PLCE1: variants seen among roughly 807,000 people sequenced by gnomAD.
PLCE1 encodes the protein phospholipase C epsilon 1, also known as 1-phosphatidylinositol 4,5-bisphosphate phosphodiesterase epsilon-1.
In PLCE1, 119 loss-of-function variants were observed where a neutral mutation model predicts 242.8. The observed-to-expected ratio is 0.49, with a 90% confidence interval of 0.42 to 0.57. The LOEUF is 0.57. Among genes scored for constraint, PLCE1 ranks in the 20% least tolerant of loss-of-function variants. PLCE1 has a pLI of 0.00. For synonymous variants in PLCE1, 945 were observed against 1,017.4 expected (o/e 0.93, Z 1.35); for missense variants, 2,441 against 2,788.8 (o/e 0.88, Z 2.81).
Position 94,031,185 on chromosome 10 carries a change from A to C in PLCE1, c.139A>C (p.Ser47Arg), listed in dbSNP as rs752895021. The change falls in exon 2 of 33, where the codon AGT becomes CGT. Residue 47 changes from serine (S) to arginine (R), a missense_variant. Coordinates refer to ENST00000371380, the MANE Select transcript of PLCE1 (RefSeq NM_016341.4). The stretch of plus-strand genomic sequence containing the variant: ...TTCAAAAGCACATACTGTCAGACGA[A>C]GTGGGGAGACTTCTCATACCATCTC... ...NISKAHTVRRSGETSHTISQL... is the reference protein window; with the variant it reads ...NISKAHTVRRRGETSHTISQL... 2.7e-5 allele frequency: 44 copies of C among 1,613,754 alleles called. No homozygotes were observed. In the African/African-American group the frequency reaches 5.1e-4, roughly 19 times the overall value.
At chr10:94,025,859 A>G (rs908318870) in intron 1 of PLCE1, among the ~76,000 whole-genome samples, 1 of 152,180 alleles carries the variant, frequency 6.6e-6, no homozygotes, top group African/African-American at 2.4e-5. Flanking sequence ...TCATTAATTC[A>G]TTATTTATCT....
chr10:94,163,225 C>T (rs2047677008), intron 3 of PLCE1, among the ~76,000 whole-genome samples: 1 of 152,172 alleles, frequency 6.6e-6, no homozygotes, highest in African/African-American at 2.4e-5. Context: ...AACCTTCTGT[C>T]TCATCGATCT....
At position 94,227,159 on chromosome 10, in the gene PLCE1, GAACCACCAC is replaced by G; in HGVS notation, c.1810-146_1810-138del. On this transcript the variant is annotated intron_variant, in intron 4 of 32. Transcript: ENST00000371380. ...CCCAAAGTGCTGGGATTACAGGCGT[GAACCACCAC>G]GCCCAGCCAGGACCTACAGGTCTTT... The G allele has an allele frequency of 3.5e-5, 26 of 734,548 alleles. 1 individual carries two copies. The South Asian group carries it at 4.0e-4, about 11-fold the overall frequency. 45.5% of individuals were successfully genotyped at this position (734,548 alleles called of 1,614,324 possible).
At chr10:94,215,074 C>T (rs2136993783) in intron 4 of PLCE1, among the ~76,000 whole-genome samples, 2 of 152,288 alleles carry the variant, frequency 1.3e-5, no homozygotes, top group East Asian at 3.9e-4. Flanking sequence ...ATGGACCAAA[C>T]TGCCCATAGG....
chr10:94,215,831 G>A (rs903878942), intron 4 of PLCE1, among the ~76,000 whole-genome samples: 3 of 152,154 alleles, frequency 2.0e-5, no homozygotes, highest in Non-Finnish European at 4.4e-5. Flanking sequence ...GCTGTTGTGA[G>A]AGAATCAGCT....
At chr10:94,140,829 G>A (rs1325069071) in intron 3 of PLCE1, among the ~76,000 whole-genome samples, 1 of 152,172 alleles carries the variant, frequency 6.6e-6, no homozygotes, top group Admixed American at 6.5e-5. Context: ...TGACTTGTTA[G>A]TATTGTGACC....
In PLCE1 at chr10:94,324,945, G is replaced by T; in HGVS notation, c.6774G>T (p.Lys2258Asn). 1 of 1,614,166 alleles carries T rather than the reference G, an allele frequency of 6.2e-7. No homozygotes were observed. Among genetic ancestry groups the T allele is most frequent in the South Asian group, 1.1e-5 (1 of 91,084 alleles). Reference sequence around the variant, plus strand: ...TTTCTTTCGCAAGTGAACTCAAGAAGCTCACCAAGTCAACTAAACAGCCCC... The same window carrying T: ...TTTCTTTCGCAAGTGAACTCAAGAATCTCACCAAGTCAACTAAACAGCCCC... ...KGISFASELK[K>N]LTKSTKQPRG... The change falls in exon 32 of 33, where the codon AAG (lysine) becomes AAT (asparagine). Residue 2258 changes from lysine (K) to asparagine (N), a missense_variant. Transcript: ENST00000371380.
intron 1 of PLCE1, among the ~76,000 whole-genome samples, chr10:94,004,672 C>T (rs1212531521): frequency 2.0e-5 from 3 of 152,092 alleles, no homozygotes; most frequent in Non-Finnish European, 2.9e-5. Context: ...TTTTTGCCCA[C>T]AATTTTGGAC....
At position 94,194,454 on chromosome 10, in the gene PLCE1, C is replaced by T. The variant is rs546330255; in HGVS notation, c.1809+22958C>T. On this transcript the variant is annotated intron_variant, in intron 4 of 32. Transcript: ENST00000371380. ...CTGCAATGTAGCTGTCCTGTTTTCT[C>T]CCCATTAATCACTTCATGCCCCTTT... 7.2e-5 allele frequency among the ~76,000 whole-genome samples: 11 copies of T among 152,286 alleles called. No homozygotes were observed. In the South Asian group the frequency reaches 2.3e-3, roughly 32 times the overall value.
intron 1 of PLCE1, among the ~76,000 whole-genome samples, chr10:94,018,406 C>G (rs1447738221): frequency 6.6e-6 from 1 of 152,188 alleles, no homozygotes; most frequent in Non-Finnish European, 1.5e-5. Context: ...TCTGCCCTTG[C>G]TAAACAGAAG....
chr10:94,117,629 A>C (rs2046174194), intron 2 of PLCE1, among the ~76,000 whole-genome samples: 1 of 152,226 alleles, frequency 6.6e-6, no homozygotes, highest in South Asian at 2.1e-4. Context: ...TCACTAGATC[A>C]TGGTGGGTAT....
At chr10:94,122,392 G>C (rs1487174065) in intron 2 of PLCE1, among the ~76,000 whole-genome samples, 1 of 152,080 alleles carries the variant, frequency 6.6e-6, no homozygotes, top group Non-Finnish European at 1.5e-5. Context: ...AGGCTCCCTT[G>C]GCAGCCAGGT....
rs371524257 is a variant in PLCE1, at chr10:94,283,837, C to T, written c.4843C>T (p.Leu1615Phe). Residue 1615 changes from leucine (L) to phenylalanine (F), a missense_variant, in exon 21 of 33, where the codon CTT (leucine) becomes TTT (phenylalanine). Transcript: ENST00000371380. ...RPENKSCNDK[L>F]QFEYNEEIPK... The stretch of plus-strand genomic sequence containing the variant: ...TGAAAATAAATCATGTAATGACAAG[C>T]TTCAGTTTGAATATAATGAAGAAAT... The T allele has an allele frequency of 6.2e-7, 1 of 1,612,274 alleles. No individual in the cohort carries two copies. Among genetic ancestry groups the T allele is most frequent in the Non-Finnish European group, 8.5e-7 (1 of 1,178,660 alleles).
intron 3 of PLCE1, among the ~76,000 whole-genome samples, chr10:94,164,315 A>G (rs887050696): frequency 6.6e-6 from 1 of 152,032 alleles, no homozygotes; most frequent in East Asian, 1.9e-4. Flanking sequence ...TGGTCTTTTC[A>G]CATAGTCCCA....
chr10:94,286,614 C>T (rs1294306874), intron 22 of PLCE1, among the ~76,000 whole-genome samples: 1 of 151,976 alleles, frequency 6.6e-6, no homozygotes, highest in African/African-American at 2.4e-5. Flanking sequence ...TAAGTTTTCT[C>T]CTATAAGCTG....
chr10:94,271,560 C>T (rs1267420588), intron 18 of PLCE1, among the ~76,000 whole-genome samples: 1 of 151,932 alleles, frequency 6.6e-6, no homozygotes, highest in East Asian at 1.9e-4. Flanking sequence ...ATGATCCACC[C>T]ACCTCAGCCT....
intron 27 of PLCE1, among the ~76,000 whole-genome samples, chr10:94,311,664 G>A (rs945588466): frequency 6.6e-6 from 1 of 152,014 alleles, no homozygotes; most frequent in African/African-American, 2.4e-5. Flanking sequence ...TTATTGCCTT[G>A]GCCCTGGTTC....
rs1175295307 is a variant in PLCE1, at chr10:94,031,119, G to A, written c.73G>A (p.Ala25Thr). The change falls in exon 2 of 33, where the codon GCT (alanine) becomes ACT (threonine). Residue 25 changes from alanine to threonine, a missense_variant. Physicochemically the swap from Ala to Thr is moderately conservative, Grantham distance 58. Around this residue, in one of 5 missense-constraint regions of PLCE1, gnomAD observed 393 missense variants for 378.5 expected, o/e 1.04. Coordinates refer to ENST00000371380, the MANE Select transcript of PLCE1 (RefSeq NM_016341.4). ...GAGAAAAGTGGTTTCTGCCCAGTCGGCTGCAGATGAAAGTAGTGAAAAGGT... is the reference window on the plus strand; with the variant it reads ...GAGAAAAGTGGTTTCTGCCCAGTCGACTGCAGATGAAAGTAGTGAAAAGGT... ...TQRKVVSAQS[A>T]ADESSEKVSD... is the part of the protein sequence containing the mutation. The A allele has an allele frequency of 6.2e-6, 10 of 1,613,700 alleles. No individual in the cohort carries two copies. Among genetic ancestry groups the A allele is most frequent in the Middle Eastern group, 3.3e-4 (2 of 6,058 alleles).
Position 94,265,923 on chromosome 10 carries a change from C to A in PLCE1, c.4246C>A (p.Leu1416Ile). 6.2e-7 allele frequency: 1 copy of A among 1,614,074 alleles called. No individual in the cohort carries two copies. ...CAATACCTACCTCACGGGCCATCAG[C>A]TCAAAGGAGAATCCTCGGTAGAACT... ...SHNTYLTGHQLKGESSVELYS... is the reference protein window; with the variant it reads ...SHNTYLTGHQIKGESSVELYS... Residue 1416 changes from leucine to isoleucine, a missense_variant, in exon 16 of 33, where the codon CTC becomes ATC. Coordinates refer to ENST00000371380, the MANE Select transcript of PLCE1 (RefSeq NM_016341.4).
Sources: allele counts gnomAD v4.1 joint callset (sites outside exome capture counted in the v4.1 genomes callset), GRCh38; gene constraint gnomAD v4.1.1; regional missense constraint gnomAD v4.1.1; transcripts MANE v1.5; gene names NCBI Gene and HGNC (gene_info 2026-07-23, HGNC 2026-07-21).